The following HIGD1B variants were observed in gnomAD, a reference collection of about 807,000 sequenced individuals.
HIGD1B encodes HIG1 domain family member 1B.
In HIGD1B, 9 loss-of-function variants were observed where a neutral mutation model predicts 8.8. The ratio of observed to expected loss-of-function variants is 1.02; its 90% CI spans 0.62 to 1.78. HIGD1B has a LOEUF of 1.78. HIGD1B is among the 40% of genes most tolerant of loss of function. HIGD1B has a pLI of 0.00. For synonymous variants in HIGD1B, 47 were observed against 38.8 expected, an observed-to-expected ratio of 1.21 and a Z score of -0.78; for missense variants, 126 against 111.8, an observed-to-expected ratio of 1.13 and a Z score of -0.57.
intron 1 of HIGD1B, 58 bp downstream of exon 1, chr17:44,848,310 G>A (rs532391643): frequency 6.0e-6 from 5 of 831,966 alleles, no homozygotes; most frequent in South Asian, 1.4e-5. Context: ...ATGTCTCCTG[G>A]TACCCTCCAA....
rs1332266145 is a variant in HIGD1B at position 44,848,219 on chromosome 17, A to C, written c.67A>C (p.Arg23=). The part of the protein sequence containing the change: ...DEDCVSEKLL[R]KTRESPLVPI... ...AGACTGTGTGTCTGAGAAGCTCCTG[A>C]GGAAGACTCGGGAATCTCCACTGGT... is the stretch of plus-strand genomic sequence containing the variant. Residue 23 remains arginine, a synonymous_variant, in exon 1 of 3, where the codon AGG becomes CGG. Coordinates refer to ENST00000253410, the MANE Select transcript of HIGD1B (RefSeq NM_016438.4). 1.1e-6 allele frequency: 1 copy of C among 872,826 alleles called. No individual in the cohort carries two copies. Among genetic ancestry groups the C allele is most frequent in the Non-Finnish European group, 2.0e-6 (1 of 501,688 alleles). 54.1% of individuals were successfully genotyped at this position (872,826 alleles called of 1,614,324 possible). A position where few individuals can be genotyped will look rare whatever the true frequency, so the allele number is the denominator to read the frequency against.
chr17:44,846,023 G>A (rs569019996), upstream of HIGD1B, among the ~76,000 whole-genome samples: 1 of 152,208 alleles, frequency 6.6e-6, no homozygotes, highest in East Asian at 1.9e-4. Context: ...TTGTTCATAA[G>A]AGTATCCGAG....
At chr17:44,850,227 G>C (rs2050416589) in intron 2 of HIGD1B, 105 bp from the exon 3 acceptor site, 2 of 779,128 alleles carry the variant, frequency 2.6e-6, no homozygotes, top group Non-Finnish European at 4.2e-6. Context: ...CGGGAAGCTG[G>C]ACTCTCAAGG....
intron 2 of HIGD1B, 114 bp from the exon 3 acceptor site, chr17:44,850,218 G>C: frequency 1.4e-6 from 1 of 717,936 alleles, no homozygotes; most frequent in Non-Finnish European, 2.3e-6. Flanking sequence ...AAAGATGAGC[G>C]GGAAGCTGGA....
chr17:44,850,285 G>T (rs771803791), intron 2 of HIGD1B, 47 bp from the exon 3 acceptor site: 2 of 1,519,594 alleles, frequency 1.3e-6, no homozygotes, highest in Admixed American at 1.8e-5. Context: ...CAGAGGACGG[G>T]TGAAGGGTTT....
chr17:44,849,758 CAAAAAAAAAAAAA>C (rs61617877), intron 2 of HIGD1B, among the ~76,000 whole-genome samples: 7 of 52,542 alleles, frequency 1.3e-4, no homozygotes, highest in Non-Finnish European at 2.3e-4. Flanking sequence ...GACTCTGTCT[CAAAAAAAAAAAAA>C]AAAAAAAAAA....
Position 44,848,196 on chromosome 17 carries a change from A to G in HIGD1B, c.44A>G (p.Asp15Gly). 1 of 872,910 alleles carries G rather than the reference A, an allele frequency of 1.1e-6. No individual in the cohort carries two copies. Among genetic ancestry groups the G allele is most frequent in the East Asian group, 2.4e-5 (1 of 41,708 alleles). The allele number at this position is 872,910 out of a possible 1,614,324, so 54.1% of individuals were successfully genotyped here. Residue 15 changes from aspartate (D) to glycine (G), a missense_variant, in exon 1 of 3, where the codon GAC (aspartate) becomes GGC (glycine). Physicochemically the swap from Asp to Gly is moderately conservative, Grantham distance 94. Coordinates refer to ENST00000253410, the MANE Select transcript of HIGD1B (RefSeq NM_016438.4). ...TGGTGGGTACCACCTGACGACGAAGACTGTGTGTCTGAGAAGCTCCTGAGG... is the reference window on the plus strand; with the variant it reads ...TGGTGGGTACCACCTGACGACGAAGGCTGTGTGTCTGAGAAGCTCCTGAGG... ...RRWWVPPDDE[D>G]CVSEKLLRKT...
chr17:44,849,321 G>C lies in HIGD1B; in HGVS notation c.168G>C (p.Lys56Asn), dbSNP rs1484093927. The stretch of plus-strand genomic sequence containing the variant: ...GGCTGAGGTCTCGTGGTTCCACCAA[G>C]ATGTCCATACACCTGATTCACACCC... ...IYRLRSRGST[K>N]MSIHLIHTRV... The change falls in exon 2 of 3, where the codon AAG becomes AAC. Residue 56 changes from lysine to asparagine, a missense_variant. Transcript: ENST00000253410. 3 of 1,614,070 alleles carry C rather than the reference G, an allele frequency of 1.9e-6. No individual in the cohort carries two copies. The highest frequency in any genetic ancestry group is 3.3e-5 in the Admixed American group (2 of 60,000).
chr17:44,850,283 G>A lies in HIGD1B; in HGVS notation c.236-49G>A, dbSNP rs1249630797. On this transcript the variant is annotated intron_variant, in intron 2 of 2. Coordinates refer to ENST00000253410, the MANE Select transcript of HIGD1B (RefSeq NM_016438.4). ...CTAGGACGCCTGAGAGCCAGAGGAC[G>A]GGTGAAGGGTTTGATGCCAAGGGGC... 34 of 1,494,884 alleles carry A rather than the reference G, an allele frequency of 2.3e-5. No homozygotes were observed. The East Asian group carries it at 5.0e-4, about 22-fold the overall frequency. 92.6% of individuals were successfully genotyped at this position (1,494,884 alleles called of 1,614,324 possible). A position where few individuals can be genotyped will look rare whatever the true frequency, so the allele number is the denominator to read the frequency against.
chr17:44,847,485 G>A (rs2050335547), upstream of HIGD1B, among the ~76,000 whole-genome samples: 1 of 152,242 alleles, frequency 6.6e-6, no homozygotes, highest in Non-Finnish European at 1.5e-5. Context: ...CCAGCCCAGG[G>A]ATGAAGGTAG....
At position 44,847,926 on chromosome 17, in the gene HIGD1B, T is replaced by G; in HGVS notation, c.-227T>G. 1 of 443,624 alleles carries G rather than the reference T, an allele frequency of 2.3e-6. No individual in the cohort carries two copies. The highest frequency in any genetic ancestry group is 4.1e-6 in the Non-Finnish European group (1 of 246,280). The allele number at this position is 443,624 out of a possible 1,614,324, so 27.5% of individuals were successfully genotyped here. Reference sequence around the variant, plus strand: ...TGGGGAAGAGGCAGATGGTAGGAAATGGAGACGGAGAAATGGCACTAATGG... The same window carrying G: ...TGGGGAAGAGGCAGATGGTAGGAAAGGGAGACGGAGAAATGGCACTAATGG... On this transcript the variant is annotated 5_prime_UTR_variant, in exon 1 of 3. The change abolishes an upstream ATG in the 5' untranslated region. Transcript: ENST00000253410.
chr17:44,849,255 C>G lies in HIGD1B; in HGVS notation c.102C>G (p.Gly34=), dbSNP rs2050380568. The stretch of plus-strand genomic sequence containing the variant: ...AGGGGCTGTGTTCTCTGCCCACAGG[C>G]TTAGGAGGCTGCTTGGTGGTAGCAG... ...KTRESPLVPI[G]LGGCLVVAAY... is the part of the protein sequence containing the mutation. Residue 34 remains glycine (G), a splice_region_variant and synonymous_variant, in exon 2 of 3, where the codon GGC becomes GGG. Coordinates refer to ENST00000253410, the MANE Select transcript of HIGD1B (RefSeq NM_016438.4). The G allele has an allele frequency of 1.2e-6, 2 of 1,613,880 alleles. No individual in the cohort carries two copies. Among genetic ancestry groups the G allele is most frequent in the Non-Finnish European group, 1.7e-6 (2 of 1,179,912 alleles).
At chr17:44,849,716 G>A (rs569886344) in intron 2 of HIGD1B, among the ~76,000 whole-genome samples, 12 of 132,900 alleles carry the variant, frequency 9.0e-5, no homozygotes, top group South Asian at 2.5e-4. Flanking sequence ...GCTGAGATCC[G>A]CCACTGCACT....
At chr17:44,846,797 AAG>A (rs1190296891), upstream of HIGD1B, among the ~76,000 whole-genome samples, 31 of 124,600 alleles carry the variant, frequency 2.5e-4, no homozygotes, top group Non-Finnish European at 3.4e-4. Context: ...AAAAAAAAAA[AAG>A]AAGAAAAAGA....
intron 2 of HIGD1B, 94 bp downstream of exon 2, chr17:44,849,482 C>A: frequency 1.4e-6 from 2 of 1,475,144 alleles, no homozygotes; most frequent in Non-Finnish European, 1.8e-6. Context: ...CTGTGCTTGG[C>A]TGGGCGCGGT....
At position 44,848,027 on chromosome 17, in the gene HIGD1B, G is replaced by T; in HGVS notation, c.-126G>T. The T allele has an allele frequency of 4.8e-6, 3 of 624,742 alleles. No homozygotes were observed. Among genetic ancestry groups the T allele is most frequent in the Non-Finnish European group, 8.6e-6 (3 of 347,288 alleles). The allele number at this position is 624,742 out of a possible 1,614,324, so 38.7% of individuals were successfully genotyped here. ...GCTGTGTTGGGGCATGGTGAGAGAG[G>T]GTCTTAGCAGGTAACCTTCCTTTCC... On this transcript the variant is annotated 5_prime_UTR_variant, in exon 1 of 3. Transcript: ENST00000253410.
At chr17:44,846,357 T>C (rs1050223885), upstream of HIGD1B, 2 of 152,228 alleles carry the variant, frequency 1.3e-5, no homozygotes, top group Non-Finnish European at 2.9e-5. Context: ...CAGCTTTTGG[T>C]CGGTTCAAAA....
chr17:44,850,309 A>G (rs1332649282), intron 2 of HIGD1B, 23 bp from the exon 3 acceptor site: 8 of 1,601,014 alleles, frequency 5.0e-6, no homozygotes, highest in African/African-American at 1.3e-5. Context: ...GCCAAGGGGC[A>G]TTATTTCTTT....
At chr17:44,847,292 G>A (rs1343743105), upstream of HIGD1B, among the ~76,000 whole-genome samples, 1 of 152,072 alleles carries the variant, frequency 6.6e-6, no homozygotes, top group Non-Finnish European at 1.5e-5. Flanking sequence ...AATTAGCCGG[G>A]CGCGGTGGCG....
Sources: gnomAD v4.1 joint callset for allele counts (sites outside exome capture counted in the v4.1 genomes callset) on GRCh38, gnomAD v4.1.1 for gene constraint, MANE v1.5 for transcripts, NCBI Gene and HGNC (gene_info 2026-07-23, HGNC 2026-07-21) for gene names.